The following SEPTIN7 variants were observed in gnomAD, a reference collection of about 807,000 sequenced individuals.
The protein encoded by SEPTIN7 is septin-7.
A neutral mutation model predicts 63.3 loss-of-function variants in SEPTIN7; 10 were observed. The ratio of observed to expected loss-of-function variants is 0.16; its 90% CI spans 0.10 to 0.27. The LOEUF (loss-of-function observed/expected upper bound fraction) is 0.27. SEPTIN7 is among the 10% of genes least tolerant of loss of function. The probability of loss-of-function intolerance (pLI) is 1.00; values close to 1 mark genes in which losing one functional copy is unlikely to be tolerated. For synonymous variants in SEPTIN7, 131 were observed against 165.3 expected (o/e 0.79, Z 1.59); for missense variants, 310 against 521.0 (o/e 0.59, Z 3.94).
intron 4 of SEPTIN7, among the ~76,000 whole-genome samples, chr7:35,869,099 G>A (rs1313662254): frequency 6.6e-6 from 1 of 152,158 alleles, no homozygotes; most frequent in Non-Finnish European, 1.5e-5. Flanking sequence ...TCCAGAGTGG[G>A]ATTTGAGTTG....
chr7:35,821,584 T>C lies in SEPTIN7; in HGVS notation c.62-9908T>C, dbSNP rs1433101412. On this transcript the variant is annotated intron_variant, in intron 1 of 13. Coordinates refer to ENST00000350320, the MANE Select transcript of SEPTIN7 (RefSeq NM_001788.6). Reference sequence around the variant, plus strand: ...GTTGAATATTCTTTTATCTTAATCATGTATGATTCTCAAGACTATCCATTT... The same window carrying C: ...GTTGAATATTCTTTTATCTTAATCACGTATGATTCTCAAGACTATCCATTT... Among the ~76,000 whole-genome samples, 3 of 152,248 alleles carry C rather than the reference T, an allele frequency of 2.0e-5. No individual in the cohort carries two copies. The East Asian group carries it at 5.8e-4, about 29-fold the overall frequency.
intron 6 of SEPTIN7, among the ~76,000 whole-genome samples, chr7:35,875,451 C>T (rs933633216): frequency 1.1e-4 from 17 of 152,112 alleles, no homozygotes; most frequent in African/African-American, 3.9e-4. Flanking sequence ...TGAATCAGAG[C>T]GTTTCCGTCT....
chr7:35,826,845 G>A (rs1783541698), intron 1 of SEPTIN7, among the ~76,000 whole-genome samples: 1 of 152,050 alleles, frequency 6.6e-6, no homozygotes, highest in Non-Finnish European at 1.5e-5. Context: ...AATGGTAATG[G>A]CATTTTAGAT....
chr7:35,811,560 A>G (rs1416676344), intron 1 of SEPTIN7, among the ~76,000 whole-genome samples: 1 of 152,166 alleles, frequency 6.6e-6, no homozygotes, highest in East Asian at 1.9e-4. Flanking sequence ...TCTATAACTC[A>G]CTAGGTGGGA....
intron 11 of SEPTIN7, among the ~76,000 whole-genome samples, chr7:35,895,805 T>A (rs1362455691): frequency 3.3e-5 from 5 of 152,150 alleles, no homozygotes; most frequent in African/African-American, 1.2e-4. Flanking sequence ...AATTTTGAAT[T>A]TAAATGAAGA....
chr7:35,902,813 AAGT>A, intron 12 of SEPTIN7: 1 of 329,520 alleles, frequency 3.0e-6, no homozygotes, highest in East Asian at 5.3e-5. Flanking sequence ...TTCCATTATA[AAGT>A]ACTCCACACT....
At chr7:35,875,025 A>G (rs1301489236) in intron 6 of SEPTIN7, among the ~76,000 whole-genome samples, 1 of 152,168 alleles carries the variant, frequency 6.6e-6, no homozygotes, top group Non-Finnish European at 1.5e-5. Flanking sequence ...TAAGTCAATA[A>G]AACTTGTCAG....
chr7:35,915,431 A>G, the SEPTIN7 span, among the ~76,000 whole-genome samples: 6 of 152,248 alleles, frequency 3.9e-5, no homozygotes, highest in Non-Finnish European at 5.9e-5. Context: ...TTAATTTTGC[A>G]ATTAAAAGGC....
intron 3 of SEPTIN7, among the ~76,000 whole-genome samples, chr7:35,853,451 A>G (rs1325434658): frequency 2.0e-5 from 3 of 152,160 alleles, no homozygotes; most frequent in African/African-American, 2.4e-5. Flanking sequence ...GTGGGTCAGG[A>G]CATAGAGGTC....
chr7:35,803,657 T>C (rs1788142271), intron 1 of SEPTIN7, among the ~76,000 whole-genome samples: 2 of 152,270 alleles, frequency 1.3e-5, no homozygotes, highest in African/African-American at 4.8e-5. Flanking sequence ...CAATTTTTGA[T>C]TATAAGTTGA....
rs115437266 is a variant in SEPTIN7, at chr7:35,836,699, G to C, written c.169+3799G>C. On this transcript the variant is annotated intron_variant, in intron 3 of 13. Transcript: ENST00000350320. Reference sequence around the variant, plus strand: ...GATAGGATATACGATGACTATCCTAGTTGTCATTTTCCTCCACTGCCTGTT... The same window carrying C: ...GATAGGATATACGATGACTATCCTACTTGTCATTTTCCTCCACTGCCTGTT... 8.4e-3 allele frequency among the ~76,000 whole-genome samples: 1,286 copies of C among 152,192 alleles called. 15 individuals carry two copies. The highest frequency in any genetic ancestry group is 0.03 in the African/African-American group (1,254 of 41,520).
At chr7:35,833,762 A>C (rs111501771) in intron 3 of SEPTIN7, among the ~76,000 whole-genome samples, 90 of 152,040 alleles carry the variant, frequency 5.9e-4, no homozygotes, top group African/African-American at 2.0e-3. Context: ...GGTAGTATAC[A>C]TTTTTGTTAA....
rs1272944847 is a variant in SEPTIN7 at position 35,857,630 on chromosome 7, C to G, written c.170-5922C>G. 2.0e-5 allele frequency among the ~76,000 whole-genome samples: 3 copies of G among 152,048 alleles called. No individual in the cohort carries two copies. In the East Asian group the frequency reaches 5.8e-4, roughly 29 times the overall value. ...CCCTGATATGTTAAATATCTCATAG[C>G]TGAGTTCAGGGTATACAGCGTATTG... On this transcript the variant is annotated intron_variant, in intron 3 of 13. Coordinates refer to ENST00000350320, the MANE Select transcript of SEPTIN7 (RefSeq NM_001788.6).
intron 3 of SEPTIN7, among the ~76,000 whole-genome samples, chr7:35,855,553 C>G (rs1232051442): frequency 6.6e-6 from 1 of 152,102 alleles, no homozygotes; most frequent in Non-Finnish European, 1.5e-5. Context: ...GAGTTTTTCT[C>G]CAAATACTTT....
chr7:35,868,469 C>T (rs1422862509), intron 4 of SEPTIN7, among the ~76,000 whole-genome samples: 1 of 151,834 alleles, frequency 6.6e-6, no homozygotes, highest in African/African-American at 2.4e-5. Flanking sequence ...TATGGACAAA[C>T]AATTATGACT....
chr7:35,905,522 ATT>A lies in SEPTIN7; in HGVS notation c.*1238_*1239del, dbSNP rs34277356. The A allele has an allele frequency of 2.0e-5, 3 of 150,216 alleles. No homozygotes were observed. Among genetic ancestry groups the A allele is most frequent in the South Asian group, 2.1e-4 (1 of 4,740 alleles). The allele number at this position is 150,216 out of a possible 1,614,324, so 9.3% of individuals were successfully genotyped here. Reference sequence around the variant, plus strand: ...TTTGTATGCTTATTTTTCTGAGAACATTTTTTTTTTCCCCCAGACAGGGTCTT... The same window carrying A: ...TTTGTATGCTTATTTTTCTGAGAACATTTTTTTTCCCCCAGACAGGGTCTT... On this transcript the variant is annotated 3_prime_UTR_variant, in exon 14 of 14. Coordinates refer to ENST00000350320, the MANE Select transcript of SEPTIN7 (RefSeq NM_001788.6).
intron 10 of SEPTIN7, chr7:35,888,834 A>AC (rs1299840618): frequency 5.1e-6 from 2 of 391,280 alleles, no homozygotes; most frequent in South Asian, 1.9e-5. Flanking sequence ...AAAAAAAAAA[A>AC]AAAAAAAAAA....
intron 1 of SEPTIN7, among the ~76,000 whole-genome samples, chr7:35,828,671 C>G (rs1195398296): frequency 1.3e-5 from 2 of 152,198 alleles, no homozygotes; most frequent in Non-Finnish European, 2.9e-5. Flanking sequence ...GCCACCGTGC[C>G]CTGCCGACCT....
At chr7:35,826,495 C>T (rs1307329306) in intron 1 of SEPTIN7, among the ~76,000 whole-genome samples, 4 of 151,170 alleles carry the variant, frequency 2.6e-5, no homozygotes, top group Admixed American at 6.6e-5. Flanking sequence ...CTAATGTAAA[C>T]CTTGGATTTT....
Sources: gnomAD v4.1 joint callset for allele counts (sites outside exome capture counted in the v4.1 genomes callset) on GRCh38, gnomAD v4.1.1 for gene constraint, MANE v1.5 for transcripts, NCBI Gene and HGNC (gene_info 2026-07-23, HGNC 2026-07-21) for gene names.